Variants in CSMD2 observed in about 807,000 individuals in gnomAD.
CSMD2 encodes the protein CUB and Sushi multiple domains 2.
A neutral mutation model predicts 398.5 loss-of-function variants in CSMD2; 130 were observed. The observed-to-expected ratio is 0.33, with a 90% CI of 0.28 to 0.38. The LOEUF is 0.38. Ranked by LOEUF, CSMD2 falls within the 10% of genes least tolerant of loss-of-function variation. The pLI, the probability that CSMD2 is intolerant of heterozygous loss-of-function variation, is 1.00. For missense variants in CSMD2, 3,829 were observed against 4,764.9 expected (o/e 0.80, Z 5.78); for synonymous variants, 1,828 against 1,908.5 (o/e 0.96, Z 1.10).
chr1:34,069,091 C>T (rs969613891), intron 2 of CSMD2, among the ~76,000 whole-genome samples: 1 of 152,190 alleles, frequency 6.6e-6, no homozygotes, highest in Non-Finnish European at 1.5e-5. Flanking sequence ...TTTCACATGG[C>T]AGCCTGCATG....
chr1:34,026,850 T>C (rs1294782431), intron 3 of CSMD2, among the ~76,000 whole-genome samples: 1 of 152,102 alleles, frequency 6.6e-6, no homozygotes, highest in African/African-American at 2.4e-5. Context: ...CAGGCTTCCA[T>C]GAACTCGGAG....
intron 50 of CSMD2, 112 bp from the exon 51 acceptor site, chr1:33,571,838 A>G: frequency 1.3e-6 from 1 of 777,164 alleles, no homozygotes; most frequent in Non-Finnish European, 1.8e-6. Context: ...TGAAGAATCC[A>G]GGAATCTTCA....
At chr1:34,159,340 C>CCG (rs1557450781) in intron 1 of CSMD2, among the ~76,000 whole-genome samples, 52 of 124,214 alleles carry the variant, frequency 4.2e-4, no homozygotes, top group Non-Finnish European at 5.6e-4. Context: ...CCCCCCCCCA[C>CCG]CCAGGAGCTT....
At position 33,550,213 on chromosome 1, in the gene CSMD2, C is replaced by T. The variant is rs1471420001; in HGVS notation, c.8881G>A (p.Asp2961Asn). 2 of 1,614,176 alleles carry T rather than the reference C, an allele frequency of 1.2e-6. No individual in the cohort carries two copies. The highest frequency in any genetic ancestry group is 3.3e-5 in the Admixed American group (2 of 60,030). ...GGGAGGGAGCCAGTCCAGTGTCCAT[C>T]CAGCCCACACATGCGGGTGCTGTTT... ...VGNSTRMCGL[D>N]GHWTGSLPHC... The change falls in exon 56 of 71, where the codon GAT becomes AAT. Residue 2961 changes from aspartate (D) to asparagine (N), a missense_variant. Transcript: ENST00000373381.
At position 33,575,214 on chromosome 1, in the gene CSMD2, A is replaced by G. The variant is rs527860604; in HGVS notation, c.7576+2082T>C. On this transcript the variant is annotated intron_variant, in intron 49 of 70. Transcript: ENST00000373381. ...TGAGGGAGAGAGACACAGGTGAGAG[A>G]GTGGGCTGGGGAAGGAGAGAGAAGG... Among the ~76,000 whole-genome samples the G allele has an allele frequency of 3.3e-5, 5 of 152,166 alleles. 1 individual carries two copies. Among genetic ancestry groups the G allele is most frequent in the African/African-American group, 1.2e-4 (5 of 41,468 alleles).
intron 40 of CSMD2, among the ~76,000 whole-genome samples, chr1:33,612,724 C>T (rs1441697115): frequency 2.0e-5 from 3 of 150,748 alleles, no homozygotes; most frequent in Non-Finnish European, 4.4e-5. Flanking sequence ...TTCGGTCGCC[C>T]GGGCTGGAGT....
chr1:33,672,940 T>C (rs570756410), intron 25 of CSMD2, among the ~76,000 whole-genome samples: 15 of 152,244 alleles, frequency 9.9e-5, no homozygotes, highest in African/African-American at 3.6e-4. Context: ...AGAAAGGACA[T>C]CCACACCAAA....
At chr1:33,869,026 A>C (rs1383950234) in intron 5 of CSMD2, 2 of 152,274 alleles carry the variant, frequency 1.3e-5, no homozygotes, top group African/African-American at 4.8e-5. Context: ...TTAGAGGGAC[A>C]GAGGGAGGCC....
rs771389828 is a variant in CSMD2 at position 33,541,268 on chromosome 1, G to T, written c.9319C>A (p.Arg3107=). The change falls in exon 59 of 71, where the codon CGG becomes AGG. Residue 3107 remains arginine, a synonymous_variant. Coordinates refer to ENST00000373381, the MANE Select transcript of CSMD2 (RefSeq NM_001281956.2). Reference sequence around the variant, plus strand: ...TTGTACCTGAAGTCATTGCCCAGCCGAAGGCCATTGGCTGGAATCCCAGGG... The same window carrying T: ...TTGTACCTGAAGTCATTGCCCAGCCTAAGGCCATTGGCTGGAATCCCAGGG... ...GDPGIPANGL[R]LGNDFRYNKT... 2 of 1,613,834 alleles carry T rather than the reference G, an allele frequency of 1.2e-6. No homozygotes were observed. The highest frequency in any genetic ancestry group is 1.1e-5 in the South Asian group (1 of 91,076).
rs66489770 is a variant in CSMD2, at chr1:33,680,918, C to CTTTTTTTT, written c.4052+12004_4052+12011dup. On this transcript the variant is annotated intron_variant, in intron 25 of 70. Coordinates refer to ENST00000373381, the MANE Select transcript of CSMD2 (RefSeq NM_001281956.2). ...CTTATTTCCATCATCCTGTTTTATG[C>CTTTTTTTT]TTTTTTTTTTTTTTTTTTTTTTTTG... Among the ~76,000 whole-genome samples, 35 of 75,940 alleles carry CTTTTTTTT rather than the reference C, an allele frequency of 4.6e-4. 2 individuals are homozygous for CTTTTTTTT. The highest frequency in any genetic ancestry group is 5.4e-4 in the Non-Finnish European group (24 of 44,526). 49.8% of individuals were successfully genotyped at this position (75,940 alleles called of 152,430 possible). A position where few individuals can be genotyped will look rare whatever the true frequency, so the allele number is the denominator to read the frequency against.
chr1:33,612,466 G>C (rs1473587584), intron 40 of CSMD2, among the ~76,000 whole-genome samples: 3 of 152,122 alleles, frequency 2.0e-5, no homozygotes, highest in Non-Finnish European at 2.9e-5. Context: ...CTGGGTTTAT[G>C]TGTTTTCAAG....
At chr1:33,708,564 C>G (rs976102150) in intron 22 of CSMD2, among the ~76,000 whole-genome samples, 5 of 145,034 alleles carry the variant, frequency 3.4e-5, no homozygotes, top group African/African-American at 1.3e-4. Flanking sequence ...AAATGGAAAA[C>G]TGGATCCATT....
chr1:33,617,409 C>T (rs1570959459), intron 38 of CSMD2, 90 bp downstream of exon 38: 3 of 971,128 alleles, frequency 3.1e-6, no homozygotes, highest in East Asian at 4.8e-5. Flanking sequence ...GCTCCCTGTT[C>T]TTTGGTGACT....
At chr1:33,708,946 T>C (rs1049833068) in intron 22 of CSMD2, 143 bp downstream of exon 22, 14 of 679,218 alleles carry the variant, frequency 2.1e-5, no homozygotes, top group Non-Finnish European at 3.3e-5. Flanking sequence ...GGTCCTCTCT[T>C]TCTCCCAGAT....
chr1:33,821,370 C>T (rs924086405), intron 7 of CSMD2, among the ~76,000 whole-genome samples: 4 of 152,168 alleles, frequency 2.6e-5, no homozygotes, highest in Non-Finnish European at 5.9e-5. Context: ...TGTTCCTTTT[C>T]GTCGGGATGC....
In CSMD2 at chr1:33,936,175, C is replaced by T. The variant is rs1404276578; in HGVS notation, c.518-221G>A. ...GAGACAAGGGTTACTCAAAATCTCA[C>T]ACATGAGTTTACAACTGGATGTCCA... On this transcript the variant is annotated intron_variant, in intron 3 of 70. Transcript: ENST00000373381. 3.3e-5 allele frequency among the ~76,000 whole-genome samples: 5 copies of T among 152,238 alleles called. No homozygotes were observed. The East Asian group carries it at 9.6e-4, about 29-fold the overall frequency.
chr1:33,999,653 A>G (rs1433352193), intron 3 of CSMD2, among the ~76,000 whole-genome samples: 1 of 152,034 alleles, frequency 6.6e-6, no homozygotes, highest in Admixed American at 6.6e-5. Flanking sequence ...CAGTCATTCA[A>G]AGTGCTAGGA....
At chr1:33,712,845 G>C (rs377205604) in intron 21 of CSMD2, among the ~76,000 whole-genome samples, 1 of 152,170 alleles carries the variant, frequency 6.6e-6, no homozygotes, top group Non-Finnish European at 1.5e-5. Flanking sequence ...GCCAGATCAG[G>C]GTGGGTGGAT....
intron 44 of CSMD2, among the ~76,000 whole-genome samples, chr1:33,594,354 C>T (rs992752362): frequency 1.1e-4 from 17 of 152,128 alleles, no homozygotes; most frequent in African/African-American, 4.1e-4. Context: ...CCTTAAACAT[C>T]ACCTCCTTCA....
Sources: gnomAD v4.1 joint callset for allele counts (sites outside exome capture counted in the v4.1 genomes callset) on GRCh38, gnomAD v4.1.1 for gene constraint, MANE v1.5 for transcripts, NCBI Gene and HGNC (gene_info 2026-07-23, HGNC 2026-07-21) for gene names.